Variants in ALKBH8 observed in about 807,000 individuals in gnomAD.
ALKBH8 encodes the protein alkB homolog 8, tRNA methyltransferase.
In ALKBH8, 36 loss-of-function variants were observed where a neutral mutation model predicts 59.8. The observed-to-expected ratio is 0.60, with a 90% CI of 0.46 to 0.79. The LOEUF is 0.79. ALKBH8 is among the 30% of genes least tolerant of loss of function. The pLI is 0.00. For synonymous variants in ALKBH8, 276 were observed against 273.6 expected, an observed-to-expected ratio of 1.01 and a Z score of -0.09; for missense variants, 768 against 801.0, an observed-to-expected ratio of 0.96 and a Z score of 0.50.
At chr11:107,518,679 C>T (rs547514210) in intron 10 of ALKBH8, among the ~76,000 whole-genome samples, 79 of 152,368 alleles carry the variant, frequency 5.2e-4, no homozygotes, top group Admixed American at 4.3e-3. Context: ...CCCTTTATTT[C>T]GGCCCATCCC....
intron 11 of ALKBH8, among the ~76,000 whole-genome samples, chr11:107,509,060 T>A (rs774247165): frequency 6.6e-5 from 10 of 152,220 alleles, no homozygotes; most frequent in Non-Finnish European, 1.3e-4. Context: ...GGTAATTCTA[T>A]GTTCAACTTT....
rs116053660 is a variant in ALKBH8 at position 107,565,522 on chromosome 11, T to G, written c.-7+79A>C. 9.8e-5 allele frequency: 150 copies of G among 1,531,692 alleles called. No individual in the cohort carries two copies. The African/African-American group carries it at 1.8e-3, about 19-fold the overall frequency. 94.9% of individuals were successfully genotyped at this position (1,531,692 alleles called of 1,614,324 possible). ...TCTCAGCCCTAGCTGGCAAGGCGGATAGAGAAGACCGGAAGAGGCTGAAAA... is the reference window on the plus strand; with the variant it reads ...TCTCAGCCCTAGCTGGCAAGGCGGAGAGAGAAGACCGGAAGAGGCTGAAAA... On this transcript the variant is annotated intron_variant, in intron 1 of 11. Coordinates refer to ENST00000428149, the MANE Select transcript of ALKBH8 (RefSeq NM_138775.3).
intron 7 of ALKBH8, 119 bp from the exon 8 acceptor site, chr11:107,532,525 C>A: frequency 2.6e-6 from 2 of 757,758 alleles, no homozygotes. Context: ...CATAATAATG[C>A]TTGCAGAAAA....
chr11:107,538,582 T>C (rs1216278036), intron 7 of ALKBH8, among the ~76,000 whole-genome samples: 1 of 152,184 alleles, frequency 6.6e-6, no homozygotes, highest in Non-Finnish European at 1.5e-5. Flanking sequence ...TAATGTTCAG[T>C]CCTAAGCAAA....
At chr11:107,541,391 A>G (rs966703728) in intron 7 of ALKBH8, among the ~76,000 whole-genome samples, 6 of 152,198 alleles carry the variant, frequency 3.9e-5, no homozygotes, top group Non-Finnish European at 7.4e-5. Flanking sequence ...AAGTCCCCCA[A>G]CTAGTCCAGT....
chr11:107,528,940 G>A (rs1437785504), intron 8 of ALKBH8, among the ~76,000 whole-genome samples: 1 of 152,172 alleles, frequency 6.6e-6, no homozygotes, highest in Non-Finnish European at 1.5e-5. Flanking sequence ...TCAAGTTTAT[G>A]TAGTCAGGAA....
chr11:107,554,005 AC>A (rs1315854730), intron 3 of ALKBH8, 27 bp from the exon 4 acceptor site: 1 of 1,611,472 alleles, frequency 6.2e-7, no homozygotes, highest in South Asian at 1.1e-5. Context: ...TAAAATAGTC[AC>A]ATGCAAAACT....
intron 2 of ALKBH8, 111 bp from the exon 3 acceptor site, chr11:107,557,114 G>C: frequency 3.8e-6 from 3 of 794,428 alleles, no homozygotes; most frequent in Non-Finnish European, 5.5e-6. Context: ...GAAAAAAAAA[G>C]CATTTCCTTG....
At chr11:107,549,922 G>T in intron 6 of ALKBH8, 99 bp from the exon 7 acceptor site, 1 of 812,592 alleles carries the variant, frequency 1.2e-6, no homozygotes, top group Non-Finnish European at 1.9e-6. Flanking sequence ...TGAAAACATT[G>T]CTTGGTAATC....
chr11:107,535,062 A>G (rs1863756188), intron 7 of ALKBH8, among the ~76,000 whole-genome samples: 1 of 152,150 alleles, frequency 6.6e-6, no homozygotes, highest in African/African-American at 2.4e-5. Flanking sequence ...AGTTCCATCC[A>G]GGTTGCTGCG....
chr11:107,517,745 A>C (rs1862926781), intron 10 of ALKBH8, among the ~76,000 whole-genome samples: 2 of 152,238 alleles, frequency 1.3e-5, no homozygotes, highest in South Asian at 2.1e-4. Context: ...AGTAGCTACC[A>C]GGGACTGAGA....
chr11:107,528,079 T>C (rs141952039), intron 8 of ALKBH8, among the ~76,000 whole-genome samples: 1 of 152,264 alleles, frequency 6.6e-6, no homozygotes, highest in Non-Finnish European at 1.5e-5. Context: ...ATTATGCTTT[T>C]CCTCCTTTAT....
chr11:107,518,283 A>T (rs989953656), intron 10 of ALKBH8, among the ~76,000 whole-genome samples: 1 of 152,160 alleles, frequency 6.6e-6, no homozygotes, highest in Non-Finnish European at 1.5e-5. Context: ...TCTAAATGAT[A>T]GTTATTTATG....
At position 107,519,660 on chromosome 11, in the gene ALKBH8, C is replaced by G. The variant is rs1267105797; in HGVS notation, c.1287+2639G>C. ...TACATACTGGTTGAGAGTCCCTAATCTGAAAATCCAAAATCTGAAATCCTC... is the reference window on the plus strand; with the variant it reads ...TACATACTGGTTGAGAGTCCCTAATGTGAAAATCCAAAATCTGAAATCCTC... On this transcript the variant is annotated intron_variant, in intron 10 of 11. Transcript: ENST00000428149. Among the ~76,000 whole-genome samples, 3 of 152,152 alleles carry G rather than the reference C, an allele frequency of 2.0e-5. No homozygotes were observed. In the East Asian group the frequency reaches 5.8e-4, roughly 29 times the overall value.
At chr11:107,522,226 TATC>T (rs1863141905) in intron 10 of ALKBH8, 70 bp downstream of exon 10, 1 of 1,486,404 alleles carries the variant, frequency 6.7e-7, no homozygotes, top group East Asian at 2.5e-5. Flanking sequence ...AACAGGATTA[TATC>T]ATGAGGAAGA....
chr11:107,515,062 C>T (rs1429364025), intron 10 of ALKBH8, among the ~76,000 whole-genome samples: 4 of 152,210 alleles, frequency 2.6e-5, no homozygotes, highest in Non-Finnish European at 4.4e-5. Flanking sequence ...CACTGACCAA[C>T]GACCTGACTC....
Position 107,510,955 on chromosome 11 carries a change from C to A in ALKBH8, c.1369G>T (p.Val457Leu). ...FQAFVCDALA[V>L]PVRSGSCDAC... ...TCACAAGACCCACTGCGGACTGGTA[C>A]TGCCAATGCATCACAGACAAAAGCC... The change falls in exon 11 of 12, where the codon GTA becomes TTA. Residue 457 changes from valine to leucine, a missense_variant. Transcript: ENST00000428149. 6.4e-7 allele frequency: 1 copy of A among 1,551,844 alleles called. No individual in the cohort carries two copies. The highest frequency in any genetic ancestry group is 8.7e-7 in the Non-Finnish European group (1 of 1,146,974).
chr11:107,513,692 A>G (rs539834736), intron 10 of ALKBH8, among the ~76,000 whole-genome samples: 2 of 152,326 alleles, frequency 1.3e-5, no homozygotes, highest in Admixed American at 1.3e-4. Context: ...ACACTATGGA[A>G]TACTATACAA....
intron 9 of ALKBH8, among the ~76,000 whole-genome samples, chr11:107,522,760 C>T (rs149403370): frequency 2.3e-4 from 35 of 151,750 alleles, no homozygotes; most frequent in South Asian, 1.9e-3. Context: ...GAGCTATGAT[C>T]GTGCTATTGC....
Sources: allele counts gnomAD v4.1 joint callset (sites outside exome capture counted in the v4.1 genomes callset), GRCh38; gene constraint gnomAD v4.1.1; transcripts MANE v1.5; gene names NCBI Gene and HGNC (gene_info 2026-07-23, HGNC 2026-07-21).